COMMD10: variants seen among roughly 807,000 people sequenced by gnomAD.
The protein encoded by COMMD10 is COMM domain-containing protein 10.
A neutral mutation model predicts 28.9 loss-of-function variants in COMMD10; 33 were observed. The ratio of observed to expected loss-of-function variants is 1.14; its 90% CI spans 0.87 to 1.53. The LOEUF is 1.53. Among genes scored for constraint, COMMD10 ranks in the 40% most tolerant of loss-of-function variants. The pLI is 0.00. For missense variants in COMMD10, 310 were observed against 233.4 expected (o/e 1.33, Z -2.14); for synonymous variants, 110 against 81.7 (o/e 1.35, Z -1.87).
At chr5:116,282,751 T>C (rs1751105311) in intron 5 of COMMD10, among the ~76,000 whole-genome samples, 1 of 151,920 alleles carries the variant, frequency 6.6e-6, no homozygotes, top group South Asian at 2.1e-4. Flanking sequence ...TCCTTGTCTC[T>C]TATTAGGGAT....
At chr5:116,130,319 C>G (rs1472652955) in intron 4 of COMMD10, among the ~76,000 whole-genome samples, 2 of 151,792 alleles carry the variant, frequency 1.3e-5, no homozygotes, top group African/African-American at 2.4e-5. Flanking sequence ...CAAATAAATA[C>G]TATATGTTAT....
chr5:116,186,532 G>A (rs1748144283), intron 5 of COMMD10, among the ~76,000 whole-genome samples: 1 of 152,092 alleles, frequency 6.6e-6, no homozygotes, highest in Admixed American at 6.6e-5. Flanking sequence ...TATCAGATGT[G>A]ATCTTCTGAA....
chr5:116,260,506 A>C (rs1727910622), intron 5 of COMMD10, among the ~76,000 whole-genome samples: 1 of 151,872 alleles, frequency 6.6e-6, no homozygotes, highest in African/African-American at 2.4e-5. Context: ...ATGGCATGTC[A>C]GTATCTTGTA....
chr5:116,139,047 A>G (rs1238112967), intron 5 of COMMD10, among the ~76,000 whole-genome samples: 1 of 151,732 alleles, frequency 6.6e-6, no homozygotes, highest in Non-Finnish European at 1.5e-5. Flanking sequence ...AATCCAGGCA[A>G]TTTTATTTGA....
chr5:116,248,471 G>C (rs570811818), intron 5 of COMMD10, among the ~76,000 whole-genome samples: 93 of 152,026 alleles, frequency 6.1e-4, no homozygotes, highest in Non-Finnish European at 1.1e-3. Flanking sequence ...AGATAGGAGA[G>C]AGTAAAGCCC....
Position 116,094,308 on chromosome 5 carries a change from T to A in COMMD10, c.399+1608T>A, listed in dbSNP as rs1750399832. 3.3e-5 allele frequency among the ~76,000 whole-genome samples: 5 copies of A among 152,318 alleles called. No homozygotes were observed. In the South Asian group the frequency reaches 1.0e-3, roughly 32 times the overall value. Reference sequence around the variant, plus strand: ...TTAATATCCAGAATATACAAGGAACTCAAACATCTCAACTGCAAAGTAACT... The same window carrying A: ...TTAATATCCAGAATATACAAGGAACACAAACATCTCAACTGCAAAGTAACT... On this transcript the variant is annotated intron_variant, in intron 4 of 6. Transcript: ENST00000274458.
At chr5:116,094,489 A>T (rs952320095) in intron 4 of COMMD10, among the ~76,000 whole-genome samples, 3 of 152,224 alleles carry the variant, frequency 2.0e-5, no homozygotes, top group South Asian at 4.1e-4. Flanking sequence ...CCCCAGTTAG[A>T]ATGGCTATTA....
Position 116,124,185 on chromosome 5 carries a change from A to G in COMMD10, c.400-9883A>G, listed in dbSNP as rs186493319. On this transcript the variant is annotated intron_variant, in intron 4 of 6. Transcript: ENST00000274458. ...TAGGGTGTCAGTTTTAGATCTGTCC[A>G]TCTTTCTCTTGTGGGCATTTAGTGC... Among the ~76,000 whole-genome samples the G allele has an allele frequency of 1.7e-3, 261 of 151,984 alleles. 2 individuals are homozygous for G. Among genetic ancestry groups the G allele is most frequent in the Non-Finnish European group, 2.7e-3 (183 of 67,928 alleles).
At chr5:116,176,716 T>G (rs1753525055) in intron 5 of COMMD10, among the ~76,000 whole-genome samples, 1 of 152,164 alleles carries the variant, frequency 6.6e-6, no homozygotes, top group Admixed American at 6.6e-5. Context: ...TTTTAAAAAA[T>G]TTCCTAGTTA....
intron 4 of COMMD10, among the ~76,000 whole-genome samples, chr5:116,130,995 A>G (rs950984526): frequency 1.1e-4 from 17 of 152,108 alleles, no homozygotes; most frequent in Admixed American, 1.1e-3. Context: ...TATAATATCA[A>G]CAAAGAAGGC....
intron 2 of COMMD10, among the ~76,000 whole-genome samples, chr5:116,088,639 A>G (rs1186709719): frequency 1.3e-5 from 2 of 152,108 alleles, no homozygotes; most frequent in Non-Finnish European, 2.9e-5. Flanking sequence ...ATTTACTACA[A>G]CTTGCCATGA....
intron 5 of COMMD10, among the ~76,000 whole-genome samples, chr5:116,147,791 AT>A (rs1391022864): frequency 6.6e-6 from 1 of 151,868 alleles, no homozygotes; most frequent in Admixed American, 6.6e-5. Flanking sequence ...TTGAGGAAAA[AT>A]AAAAAAATGT....
rs370341961 is a variant in COMMD10, at chr5:116,119,720, TC to T, written c.400-14346del. Among the ~76,000 whole-genome samples, 70 of 152,152 alleles carry T rather than the reference TC, an allele frequency of 4.6e-4. 1 individual carries two copies. The South Asian group carries it at 0.013, about 29-fold the overall frequency. On this transcript the variant is annotated intron_variant, in intron 4 of 6. Transcript: ENST00000274458. Reference sequence around the variant, plus strand: ...TTAAACTCCTAGGCTCAAGGGATCCTCCTGCCTCAGCTTCCCAAGTAACTAG... The same window carrying T: ...TTAAACTCCTAGGCTCAAGGGATCCTCTGCCTCAGCTTCCCAAGTAACTAG...
chr5:116,146,956 C>T (rs1752370011), intron 5 of COMMD10, among the ~76,000 whole-genome samples: 1 of 151,778 alleles, frequency 6.6e-6, no homozygotes, highest in African/African-American at 2.4e-5. Context: ...TTCAGAAATG[C>T]CATGTCCATA....
chr5:116,192,709 A>C (rs1016897056), intron 5 of COMMD10, among the ~76,000 whole-genome samples: 1 of 152,240 alleles, frequency 6.6e-6, no homozygotes, highest in Non-Finnish European at 1.5e-5. Context: ...TTACTGAGGA[A>C]GAAGAGATTT....
intron 5 of COMMD10, among the ~76,000 whole-genome samples, chr5:116,138,401 A>C (rs1295275515): frequency 6.6e-6 from 1 of 151,836 alleles, no homozygotes; most frequent in Non-Finnish European, 1.5e-5. Context: ...TCAGCTGAAA[A>C]TTCTTTATTT....
chr5:116,144,434 G>A (rs547883186), intron 5 of COMMD10, among the ~76,000 whole-genome samples: 16 of 151,978 alleles, frequency 1.1e-4, no homozygotes, highest in African/African-American at 3.6e-4. Context: ...CCCAGACTCA[G>A]TGGTTAAGTA....
At chr5:116,246,293 C>T (rs1258405219) in intron 5 of COMMD10, among the ~76,000 whole-genome samples, 2 of 151,994 alleles carry the variant, frequency 1.3e-5, no homozygotes, top group African/African-American at 2.4e-5. Flanking sequence ...CAAAATATCT[C>T]TACAAGAAAA....
chr5:116,267,452 C>T (rs781074227), intron 5 of COMMD10, among the ~76,000 whole-genome samples: 4 of 151,676 alleles, frequency 2.6e-5, no homozygotes, highest in East Asian at 1.9e-4. Context: ...TAAAAGAGGA[C>T]ACAAACAAAT....
Sources: gnomAD v4.1 joint callset for allele counts (sites outside exome capture counted in the v4.1 genomes callset) on GRCh38, gnomAD v4.1.1 for gene constraint, MANE v1.5 for transcripts, NCBI Gene and HGNC (gene_info 2026-07-23, HGNC 2026-07-21) for gene names.